The following MCF2 variants were observed in gnomAD, a reference collection of about 807,000 sequenced individuals.
MCF2 encodes the protein MCF.2 cell line derived transforming sequence.
A neutral mutation model predicts 82.5 loss-of-function variants in MCF2; 44 were observed. That is an observed-to-expected ratio of 0.53 (90% confidence interval 0.42 to 0.69). The LOEUF (loss-of-function observed/expected upper bound fraction) is 0.69. Among genes scored for constraint, MCF2 ranks in the 30% least tolerant of loss-of-function variants. The pLI is 0.00. For missense variants in MCF2, 623 were observed against 663.1 expected, an observed-to-expected ratio of 0.94 and a Z score of 0.66; for synonymous variants, 217 against 224.9, an observed-to-expected ratio of 0.96 and a Z score of 0.32.
intron 1 of MCF2, among the ~76,000 whole-genome samples, chrX:139,672,676 T>C (rs1934737185): frequency 8.9e-6 from 1 of 112,224 alleles, no homozygotes; most frequent in African/African-American, 3.2e-5. Flanking sequence ...AACTTGATCA[T>C]GGTGGACAAG....
At chrX:139,623,535 T>C (rs1011016610) in intron 6 of MCF2, among the ~76,000 whole-genome samples, 2 of 111,329 alleles carry the variant, frequency 1.8e-5, no homozygotes, top group African/African-American at 6.5e-5. Flanking sequence ...TGGTTACACA[T>C]AGACATAAAG....
At chrX:139,666,828 T>C (rs1934534548) in intron 1 of MCF2, among the ~76,000 whole-genome samples, 1 of 112,013 alleles carries the variant, frequency 8.9e-6, no homozygotes, top group African/African-American at 3.2e-5. Flanking sequence ...CTCTTTGCCC[T>C]CAGGGATACT....
At chrX:139,666,763 T>C (rs1328891043) in intron 1 of MCF2, among the ~76,000 whole-genome samples, 1 of 111,906 alleles carries the variant, frequency 8.9e-6, no homozygotes, top group East Asian at 2.8e-4. Context: ...CTTGCTAGGG[T>C]TGGAAAGTTT....
intron 1 of MCF2, among the ~76,000 whole-genome samples, chrX:139,696,280 C>CCCTT (rs201087428): frequency 9.7e-6 from 1 of 103,046 alleles, no homozygotes; most frequent in East Asian, 3.1e-4. Context: ...CTCCCTCCCT[C>CCCTT]CCTTCCTTCC....
chrX:139,703,130 T>C (rs759351164), intron 1 of MCF2, among the ~76,000 whole-genome samples: 4 of 111,816 alleles, frequency 3.6e-5, no homozygotes, highest in Admixed American at 9.5e-5. Flanking sequence ...TTCCTTCTCT[T>C]CCCTGCTCTT....
chrX:139,613,244 G>T (rs1931631642), intron 10 of MCF2: 1 of 1,149,316 alleles, frequency 8.7e-7, no homozygotes, highest in African/African-American at 1.8e-5. Context: ...ATGCTTGAAA[G>T]AAAGAGTATC....
intron 6 of MCF2, among the ~76,000 whole-genome samples, chrX:139,621,786 A>T (rs1402697523): frequency 2.7e-5 from 3 of 111,421 alleles, no homozygotes; most frequent in African/African-American, 9.8e-5. Context: ...CTAGAAGAAA[A>T]CCTAGGCAAT....
At position 139,660,807 on chromosome X, in the gene MCF2, G is replaced by T. The variant is rs185643075; in HGVS notation, c.-44-9019C>A. Among the ~76,000 whole-genome samples, 4 of 111,808 alleles carry T rather than the reference G, an allele frequency of 3.6e-5. No homozygotes were observed. The East Asian group carries it at 1.1e-3, about 32-fold the overall frequency. On this transcript the variant is annotated intron_variant, in intron 1 of 27. Coordinates refer to the MCF2 transcript ENST00000414978. ...TTTCCTGCTAACACCTACTGGAGCC[G>T]CCTTCCAATCCATTGTGTAATTCAA...
intron 1 of MCF2, among the ~76,000 whole-genome samples, chrX:139,657,729 C>T (rs1372848276): frequency 8.9e-6 from 1 of 111,830 alleles, no homozygotes; most frequent in Non-Finnish European, 1.9e-5. Flanking sequence ...ATTTCTCAAA[C>T]CTATTGATCA....
At chrX:139,681,384 A>G (rs1173963495) in intron 1 of MCF2, among the ~76,000 whole-genome samples, 1 of 111,988 alleles carries the variant, frequency 8.9e-6, no homozygotes, top group African/African-American at 3.2e-5. Flanking sequence ...AAGTTATGCA[A>G]AATTCATATT....
intron 1 of MCF2, among the ~76,000 whole-genome samples, chrX:139,679,509 T>C (rs1934950956): frequency 9.0e-6 from 1 of 111,105 alleles, no homozygotes; most frequent in Non-Finnish European, 1.9e-5. Context: ...CTATCTTATA[T>C]CAGGCCCTGT....
intron 10 of MCF2, among the ~76,000 whole-genome samples, chrX:139,612,910 A>G (rs1162981829): frequency 8.9e-6 from 1 of 112,320 alleles, no homozygotes; most frequent in Non-Finnish European, 1.9e-5. Context: ...ATCATGAAGT[A>G]TCTTAAACAA....
chrX:139,684,481 T>C (rs1282885204), intron 1 of MCF2, among the ~76,000 whole-genome samples: 1 of 111,887 alleles, frequency 8.9e-6, no homozygotes, highest in Non-Finnish European at 1.9e-5. Context: ...CCTAGATACA[T>C]ACCACAGGGA....
chrX:139,634,941 T>A (rs1933116415), intron 1 of MCF2, among the ~76,000 whole-genome samples: 1 of 110,568 alleles, frequency 9.0e-6, no homozygotes, highest in Non-Finnish European at 1.9e-5. Flanking sequence ...ACAAAAAATT[T>A]AAAAATTATC....
intron 2 of MCF2, 91 bp downstream of exon 2, chrX:139,651,629 T>G (rs772308763): frequency 3.4e-4 from 173 of 505,652 alleles, no homozygotes; most frequent in African/African-American, 7.8e-4. Flanking sequence ...GCTCTATATA[T>G]AGAGAGCGAG....
At chrX:139,676,932 A>T (rs1934880635) in intron 1 of MCF2, among the ~76,000 whole-genome samples, 2 of 111,195 alleles carry the variant, frequency 1.8e-5, no homozygotes, top group South Asian at 7.8e-4. Flanking sequence ...GCAGTTATGA[A>T]ACTGTCTCTC....
At chrX:139,697,466 C>G (rs1935405518) in intron 1 of MCF2, among the ~76,000 whole-genome samples, 2 of 112,034 alleles carry the variant, frequency 1.8e-5, no homozygotes, top group Admixed American at 1.9e-4. Context: ...GGGGTTCTAT[C>G]ATTTGCAACC....
At chrX:139,591,469 T>C (rs1040873937) in intron 19 of MCF2, among the ~76,000 whole-genome samples, 3 of 111,255 alleles carry the variant, frequency 2.7e-5, no homozygotes, top group Non-Finnish European at 5.7e-5. Flanking sequence ...AAGGACTATG[T>C]GCAATTTGTA....
intron 12 of MCF2, among the ~76,000 whole-genome samples, chrX:139,606,928 C>T (rs1867112890): frequency 9.1e-6 from 1 of 110,263 alleles, no homozygotes; most frequent in Admixed American, 9.7e-5. Flanking sequence ...CAACTTGCTG[C>T]AAAATGCTTG....
Sources: gnomAD v4.1 joint callset for allele counts (sites outside exome capture counted in the v4.1 genomes callset) on GRCh38, gnomAD v4.1.1 for gene constraint, MANE v1.5 for transcripts, NCBI Gene and HGNC (gene_info 2026-07-23, HGNC 2026-07-21) for gene names.